Variants in MYRIP observed in about 807,000 individuals in gnomAD.
MYRIP encodes myosin VIIA and Rab interacting protein.
In MYRIP, 49 loss-of-function variants were observed where a neutral mutation model predicts 98.0. The ratio of observed to expected loss-of-function variants is 0.50; its 90% confidence interval spans 0.40 to 0.63. The LOEUF (loss-of-function observed/expected upper bound fraction) is 0.63. MYRIP is among the 30% of genes least tolerant of loss of function. The pLI is 0.00. For synonymous variants in MYRIP, 404 were observed against 409.5 expected (o/e 0.99, Z 0.16); for missense variants, 1,004 against 1,058.2 (o/e 0.95, Z 0.71).
intron 2 of MYRIP, among the ~76,000 whole-genome samples, chr3:39,935,838 C>T (rs970787327): frequency 6.6e-6 from 1 of 152,066 alleles, no homozygotes; most frequent in Non-Finnish European, 1.5e-5. Context: ...CCACTATTGC[C>T]ATGTTGTAAG....
chr3:40,122,459 C>T (rs1949424375), intron 3 of MYRIP, among the ~76,000 whole-genome samples: 2 of 151,090 alleles, frequency 1.3e-5, no homozygotes, highest in Middle Eastern at 3.2e-3. Flanking sequence ...AGAAAATATA[C>T]AAATACATGT....
At chr3:40,224,850 T>C (rs2125689413) in intron 11 of MYRIP, among the ~76,000 whole-genome samples, 1 of 152,382 alleles carries the variant, frequency 6.6e-6, no homozygotes, top group East Asian at 1.9e-4. Context: ...TTCCAATTTC[T>C]TTCCACAGTT....
chr3:40,006,077 G>C (rs1946626531), intron 2 of MYRIP, among the ~76,000 whole-genome samples: 2 of 152,108 alleles, frequency 1.3e-5, no homozygotes, highest in South Asian at 4.1e-4. Context: ...AGAAGAATTT[G>C]GCATTTTCAA....
intron 16 of MYRIP, among the ~76,000 whole-genome samples, chr3:40,256,407 T>A (rs1266665650): frequency 6.6e-6 from 1 of 152,110 alleles, no homozygotes; most frequent in Non-Finnish European, 1.5e-5. Context: ...GTCAAATTTA[T>A]AATATTAAAT....
intron 3 of MYRIP, among the ~76,000 whole-genome samples, chr3:40,141,205 T>C (rs752143737): frequency 6.6e-6 from 1 of 152,222 alleles, no homozygotes; most frequent in Non-Finnish European, 1.5e-5. Context: ...AATGGAGTAC[T>C]ATTGTTCAGC....
At position 40,078,455 on chromosome 3, in the gene MYRIP, A is replaced by G. The variant is rs1049205696; in HGVS notation, c.332+34184A>G. On this transcript the variant is annotated intron_variant, in intron 3 of 16. Coordinates refer to ENST00000302541, the MANE Select transcript of MYRIP (RefSeq NM_015460.4). ...GCACCTAGAGCAAGCGAGGGCTGTG[A>G]GGACTGCCAGCACGCTGTCACCTCT... 3.3e-5 allele frequency among the ~76,000 whole-genome samples: 5 copies of G among 152,232 alleles called. No individual in the cohort carries two copies. The East Asian group carries it at 9.6e-4, about 29-fold the overall frequency.
At chr3:40,111,726 C>A (rs892789882) in intron 3 of MYRIP, among the ~76,000 whole-genome samples, 1 of 151,862 alleles carries the variant, frequency 6.6e-6, no homozygotes, top group Non-Finnish European at 1.5e-5. Flanking sequence ...TATTGGAGAT[C>A]CCTGTAGATT....
At chr3:40,005,501 A>G (rs1946610902) in intron 2 of MYRIP, among the ~76,000 whole-genome samples, 1 of 152,266 alleles carries the variant, frequency 6.6e-6, no homozygotes, top group South Asian at 2.1e-4. Flanking sequence ...TGTGCACAAA[A>G]TTAATAAGCC....
chr3:40,040,221 T>C (rs922307518), intron 2 of MYRIP, among the ~76,000 whole-genome samples: 4 of 151,946 alleles, frequency 2.6e-5, no homozygotes, highest in African/African-American at 9.7e-5. Flanking sequence ...AAAAAACACA[T>C]GAAGAAATGC....
chr3:39,983,023 T>C (rs2125761031), intron 2 of MYRIP, among the ~76,000 whole-genome samples: 1 of 152,350 alleles, frequency 6.6e-6, no homozygotes, highest in South Asian at 2.1e-4. Flanking sequence ...ATTATAATTA[T>C]TTAAAATCTA....
At chr3:40,215,480 A>G (rs567748303) in intron 11 of MYRIP, among the ~76,000 whole-genome samples, 2 of 152,264 alleles carry the variant, frequency 1.3e-5, no homozygotes, top group South Asian at 4.1e-4. Flanking sequence ...CTGCCCCCCA[A>G]TTACTAGAGC....
chr3:39,823,581 G>T (rs1184623736), intron 1 of MYRIP, among the ~76,000 whole-genome samples: 1 of 152,116 alleles, frequency 6.6e-6, no homozygotes, highest in Non-Finnish European at 1.5e-5. Flanking sequence ...TAGTGGTTTT[G>T]ATTTGCATTT....
intron 2 of MYRIP, among the ~76,000 whole-genome samples, chr3:39,908,885 G>T (rs1165736563): frequency 6.6e-6 from 1 of 152,208 alleles, no homozygotes. Context: ...AACTGTGTGT[G>T]CACAGAGTGC....
chr3:40,222,330 G>A (rs1472841585), intron 11 of MYRIP, among the ~76,000 whole-genome samples: 2 of 152,152 alleles, frequency 1.3e-5, no homozygotes, highest in African/African-American at 2.4e-5. Flanking sequence ...GGTAACCTCC[G>A]GGTGTTGCCG....
chr3:39,987,272 C>T (rs1241889696), intron 2 of MYRIP, among the ~76,000 whole-genome samples: 1 of 152,148 alleles, frequency 6.6e-6, no homozygotes, highest in Non-Finnish European at 1.5e-5. Context: ...GTTTTCTCTT[C>T]CTGTGTTAGT....
chr3:40,244,342 AG>A, intron 12 of MYRIP, 103 bp from the exon 13 acceptor site: 1 of 967,114 alleles, frequency 1.0e-6, no homozygotes. Context: ...TGCAATGTGA[AG>A]TCCAGTTATC....
chr3:39,939,973 T>C (rs1447510846), intron 2 of MYRIP, among the ~76,000 whole-genome samples: 1 of 151,880 alleles, frequency 6.6e-6, no homozygotes, highest in Non-Finnish European at 1.5e-5. Flanking sequence ...ACACATGTTA[T>C]TTATCTGTTT....
intron 3 of MYRIP, among the ~76,000 whole-genome samples, chr3:40,136,412 T>C (rs947517175): frequency 6.6e-6 from 1 of 152,150 alleles, no homozygotes; most frequent in African/African-American, 2.4e-5. Flanking sequence ...CAAAGAGACT[T>C]AGACTCCCAC....
intron 11 of MYRIP, among the ~76,000 whole-genome samples, chr3:40,225,673 C>G (rs1952466665): frequency 6.6e-6 from 1 of 152,158 alleles, no homozygotes; most frequent in Non-Finnish European, 1.5e-5. Context: ...TGTCAGGTTG[C>G]TGTCATGGTT....
Sources: allele counts gnomAD v4.1 joint callset (sites outside exome capture counted in the v4.1 genomes callset), GRCh38; gene constraint gnomAD v4.1.1; transcripts MANE v1.5; gene names NCBI Gene and HGNC (gene_info 2026-07-23, HGNC 2026-07-21).